Variants in COPZ2 observed in about 807,000 individuals in gnomAD.
COPZ2 encodes coat protein complex I subunit zeta 2, also known as coatomer subunit zeta-2.
A neutral mutation model predicts 33.2 loss-of-function variants in COPZ2; 30 were observed. The ratio of observed to expected loss-of-function variants is 0.90; its 90% CI spans 0.68 to 1.23. The LOEUF (loss-of-function observed/expected upper bound fraction) is 1.23, where lower values mean the gene tolerates loss of function less well. Ranked by LOEUF, COPZ2 falls within the 50% of genes most tolerant of loss-of-function variation. COPZ2 has a pLI of 0.00. For missense variants in COPZ2, 263 were observed against 262.4 expected (o/e 1.00, Z -0.02); for synonymous variants, 89 against 102.6 (o/e 0.87, Z 0.80).
upstream of COPZ2, among the ~76,000 whole-genome samples, chr17:48,041,648 A>G (rs537995138): frequency 3.3e-5 from 5 of 152,342 alleles, no homozygotes; most frequent in East Asian, 5.8e-4. Flanking sequence ...ACACTATTTG[A>G]TAACAGCAGC....
rs754082690 is a variant in COPZ2, at chr17:48,028,455, G to A, written c.585+17C>T. ...CTCTAGACCATTTCTAGCCAAGGCA[G>A]ATGCAGGGGGGCCTACCTGGGCCAC... is the stretch of plus-strand genomic sequence containing the variant. On this transcript the variant is annotated intron_variant, in intron 8 of 8. Coordinates refer to ENST00000621465, the MANE Select transcript of COPZ2 (RefSeq NM_016429.4). The surrounding 1 kb of genome is among the most constrained non-coding windows in gnomAD (Gnocchi z 4.5). 2 of 1,607,362 alleles carry A rather than the reference G, an allele frequency of 1.2e-6. No homozygotes were observed. Among genetic ancestry groups the A allele is most frequent in the South Asian group, 2.2e-5 (2 of 89,532 alleles).
At position 48,033,460 on chromosome 17, in the gene COPZ2, C is replaced by G. The variant is rs535863389; in HGVS notation, c.269-158G>C. Among the ~76,000 whole-genome samples the G allele has an allele frequency of 1.1e-4, 17 of 152,318 alleles. No individual in the cohort carries two copies. In the East Asian group the frequency reaches 3.1e-3, roughly 28 times the overall value. ...TAGGGACACTACCATCAGGCAGCCC[C>G]GTGTCCTTCCCCTTATCTGCTACTC... On this transcript the variant is annotated intron_variant, in intron 3 of 8. Transcript: ENST00000621465.
Position 48,026,254 on chromosome 17 carries a change from G to C in COPZ2, c.*174C>G, listed in dbSNP as rs2036814977. 4 of 598,812 alleles carry C rather than the reference G, an allele frequency of 6.7e-6. No individual in the cohort carries two copies. The East Asian group carries it at 1.1e-4, about 17-fold the overall frequency. The allele number at this position is 598,812 out of a possible 1,614,324, so 37.1% of individuals were successfully genotyped here. A position where few individuals can be genotyped will look rare whatever the true frequency, so the allele number is the denominator to read the frequency against. On this transcript the variant is annotated 3_prime_UTR_variant, in exon 9 of 9. Coordinates refer to ENST00000621465, the MANE Select transcript of COPZ2 (RefSeq NM_016429.4). ...TAAGGCCAGGGCCGTGAGAAAAGGT[G>C]ACTCTCCTGAGGCCAAACCTTTGCA...
chr17:48,032,993 A>C, intron 4 of COPZ2: 1 of 595,522 alleles, frequency 1.7e-6, no homozygotes, highest in South Asian at 2.0e-5. Flanking sequence ...TTGAAGATGA[A>C]GTGATTACTT....
chr17:48,035,488 C>T (rs1438957629), intron 2 of COPZ2, among the ~76,000 whole-genome samples: 1 of 152,298 alleles, frequency 6.6e-6, no homozygotes, highest in South Asian at 2.1e-4. Flanking sequence ...CTCAACCTCT[C>T]GGGCTCAGGC....
chr17:48,037,236 C>T lies in COPZ2; in HGVS notation c.112-311G>A. On this transcript the variant is annotated intron_variant, in intron 1 of 8. Transcript: ENST00000621465. The surrounding 1 kb of genome is among the most constrained non-coding windows in gnomAD (Gnocchi z 5.6). ...GTCGGAGTGTATCACAGAACCTGGG[C>T]CGGGGGGGACAGCGGGCCGAGCCTC... 1 of 606,950 alleles carries T rather than the reference C, an allele frequency of 1.6e-6. No individual in the cohort carries two copies. The highest frequency in any genetic ancestry group is 3.2e-6 in the Non-Finnish European group (1 of 316,332). The allele number at this position is 606,950 out of a possible 1,614,324, so 37.6% of individuals were successfully genotyped here. A position where few individuals can be genotyped will look rare whatever the true frequency, so the allele number is the denominator to read the frequency against.
intron 2 of COPZ2, among the ~76,000 whole-genome samples, chr17:48,035,656 T>G (rs1018595659): frequency 6.6e-6 from 1 of 152,050 alleles, no homozygotes; most frequent in Non-Finnish European, 1.5e-5. Flanking sequence ...ACTCCTGGGC[T>G]CAAGCAGTCC....
In COPZ2 at chr17:48,037,005, G is replaced by A. The variant is rs1459960581; in HGVS notation, c.112-80C>T. 1 of 1,285,304 alleles carries A rather than the reference G, an allele frequency of 7.8e-7. No individual in the cohort carries two copies. Among genetic ancestry groups the A allele is most frequent in the Non-Finnish European group, 1.1e-6 (1 of 885,348 alleles). The allele number at this position is 1,285,304 out of a possible 1,614,324, so 79.6% of individuals were successfully genotyped here. A position where few individuals can be genotyped will look rare whatever the true frequency, so the allele number is the denominator to read the frequency against. ...TGTCTATGGGATCTGCTGGCCCTAG[G>A]ATACATCCTCAGGCCCCAGCAACCC... On this transcript the variant is annotated intron_variant, in intron 1 of 8. Transcript: ENST00000621465. The surrounding 1 kb of genome is among the most constrained non-coding windows in gnomAD (Gnocchi z 5.6).
chr17:48,044,936 A>G, the COPZ2 span, among the ~76,000 whole-genome samples: 1 of 152,140 alleles, frequency 6.6e-6, no homozygotes, highest in African/African-American at 2.4e-5. Flanking sequence ...ATGGATTAGC[A>G]AAACTTAAAG....
chr17:48,029,311 T>C (rs371107328), intron 6 of COPZ2, 135 bp from the exon 7 acceptor site: 19 of 791,048 alleles, frequency 2.4e-5, no homozygotes, highest in East Asian at 1.3e-4. Flanking sequence ...TTCCCACTGA[T>C]AGCCCTCAAG....
At chr17:48,041,976 G>A (rs1399199202), upstream of COPZ2, among the ~76,000 whole-genome samples, 1 of 152,042 alleles carries the variant, frequency 6.6e-6, no homozygotes, top group Non-Finnish European at 1.5e-5. Context: ...TGGCTCCATA[G>A]GGGAGGTGGG....
At chr17:48,039,482 A>T (rs537384570), upstream of COPZ2, among the ~76,000 whole-genome samples, 1 of 151,200 alleles carries the variant, frequency 6.6e-6, no homozygotes, top group Non-Finnish European at 1.5e-5. Flanking sequence ...AAAAAAAAAA[A>T]AAGAAGAAGA....
In COPZ2 at chr17:48,026,350, C is replaced by G; in HGVS notation, c.*78G>C. On this transcript the variant is annotated 3_prime_UTR_variant, in exon 9 of 9. Coordinates refer to ENST00000621465, the MANE Select transcript of COPZ2 (RefSeq NM_016429.4). ...GACCTGGGGATACAGAGGGGTCTCT[C>G]CTGACCCTGGGATCTTTGGGCTTTT... is the stretch of plus-strand genomic sequence containing the variant. The G allele has an allele frequency of 8.3e-7, 1 of 1,204,834 alleles. No homozygotes were observed. Among genetic ancestry groups the G allele is most frequent in the Non-Finnish European group, 1.2e-6 (1 of 816,694 alleles). The allele number at this position is 1,204,834 out of a possible 1,614,324, so 74.6% of individuals were successfully genotyped here.
upstream of COPZ2, among the ~76,000 whole-genome samples, chr17:48,041,858 T>A (rs2037065568): frequency 6.7e-6 from 1 of 149,558 alleles, no homozygotes; most frequent in African/African-American, 2.5e-5. Context: ...CCAAAAAGCC[T>A]CCAGGAGCAT....
At chr17:48,029,011 G>T in intron 7 of COPZ2, 114 bp downstream of exon 7, 1 of 911,680 alleles carries the variant, frequency 1.1e-6, no homozygotes, top group Non-Finnish European at 1.7e-6. Context: ...TCAGCCCAGT[G>T]GTTGGCTTCT....
In COPZ2 at chr17:48,028,481, A is replaced by T. The variant is rs1418284318; in HGVS notation, c.576T>A (p.Ser192Arg). The change falls in exon 8 of 9, where the codon AGT becomes AGA. Residue 192 changes from serine to arginine, a missense_variant. Ser to Arg is a moderately radical substitution (Grantham distance 110, BLOSUM62 -1). Transcript: ENST00000621465. The surrounding 1 kb of genome is among the most constrained non-coding windows in gnomAD (Gnocchi z 4.5). ...RADDGGLTEQ[S>R]VAQVLQSAKE... Reference sequence around the variant, plus strand: ...ATGCAGGGGGGCCTACCTGGGCCACACTCTGTTCAGTCAAGCCGCCATCAT... The same window carrying T: ...ATGCAGGGGGGCCTACCTGGGCCACTCTCTGTTCAGTCAAGCCGCCATCAT... 2 of 1,609,156 alleles carry T rather than the reference A, an allele frequency of 1.2e-6. No homozygotes were observed. The highest frequency in any genetic ancestry group is 1.7e-6 in the Non-Finnish European group (2 of 1,177,958).
At chr17:48,046,480 G>A in the COPZ2 span, 4 of 152,098 alleles carry the variant, frequency 2.6e-5, no homozygotes, top group African/African-American at 7.2e-5. Context: ...TTGTAGCGAC[G>A]GGGGTCTCAC....
At chr17:48,041,663 G>A (rs1464714829), upstream of COPZ2, among the ~76,000 whole-genome samples, 1 of 152,146 alleles carries the variant, frequency 6.6e-6, no homozygotes, top group Non-Finnish European at 1.5e-5. Context: ...AGCAGCCAGG[G>A]AAAAGACCCA....
chr17:48,027,062 C>T (rs1314431026), intron 8 of COPZ2, among the ~76,000 whole-genome samples: 2 of 152,216 alleles, frequency 1.3e-5, no homozygotes, highest in African/African-American at 2.4e-5. Flanking sequence ...AGGTGTGTCC[C>T]TCAGATTGTC....
Sources: gnomAD v4.1 joint callset for allele counts (sites outside exome capture counted in the v4.1 genomes callset) on GRCh38, gnomAD v4.1.1 for gene constraint, Gnocchi (gnomAD v3.1) non-coding constraint, MANE v1.5 for transcripts, NCBI Gene and HGNC (gene_info 2026-07-23, HGNC 2026-07-21) for gene names.